AP3B1: variants seen among roughly 807,000 people sequenced by gnomAD.
The protein encoded by AP3B1 is adaptor related protein complex 3 subunit beta 1, also known as AP-3 complex subunit beta-1.
AP3B1 carries 61 observed loss-of-function variants against 132.5 expected under a neutral mutation model. The ratio of observed to expected loss-of-function variants is 0.46; its 90% CI spans 0.37 to 0.57. The LOEUF is 0.57. AP3B1 is among the 20% of genes least tolerant of loss of function. The probability of loss-of-function intolerance (pLI) is 0.00; values close to 1 mark genes in which losing one functional copy is unlikely to be tolerated. For missense variants in AP3B1, 1,120 were observed against 1,289.4 expected, an observed-to-expected ratio of 0.87 and a Z score of 2.01; for synonymous variants, 388 against 438.3, an observed-to-expected ratio of 0.89 and a Z score of 1.43.
At chr5:78,064,958 A>G (rs776901074) in intron 22 of AP3B1, among the ~76,000 whole-genome samples, 2 of 152,168 alleles carry the variant, frequency 1.3e-5, no homozygotes, top group Non-Finnish European at 2.9e-5. Context: ...GCTTTCACCA[A>G]GAAGAATGAA....
intron 15 of AP3B1, among the ~76,000 whole-genome samples, chr5:78,133,296 T>C (rs1441670232): frequency 6.6e-6 from 1 of 152,244 alleles, no homozygotes; most frequent in Non-Finnish European, 1.5e-5. Flanking sequence ...AGGAAGAAGT[T>C]AGTTATGTTA....
rs1253462843 is a variant in AP3B1 at position 78,039,777 on chromosome 5, C to CAA, written c.2578-505_2578-504dup. Among the ~76,000 whole-genome samples the CAA allele has an allele frequency of 9.3e-4, 66 of 71,122 alleles. 1 individual carries two copies. Among genetic ancestry groups the CAA allele is most frequent in the African/African-American group, 3.4e-3 (61 of 18,154 alleles). The allele number at this position is 71,122 out of a possible 152,430, so 46.7% of individuals were successfully genotyped here. ...TGGGCGACAGAGCGAGACTCCGTCT[C>CAA]AAAAAAAAAAAAAAAGAAAAGAAAA... On this transcript the variant is annotated intron_variant, in intron 22 of 26. Transcript: ENST00000255194.
At chr5:78,228,018 G>A (rs548668029) in intron 4 of AP3B1, 126 bp downstream of exon 4, 16 of 594,542 alleles carry the variant, frequency 2.7e-5, no homozygotes, top group African/African-American at 2.5e-4. Context: ...GGCACTATAG[G>A]AGGCTTTTAA....
At chr5:78,059,037 A>T (rs1748934348) in intron 22 of AP3B1, among the ~76,000 whole-genome samples, 1 of 152,262 alleles carries the variant, frequency 6.6e-6, no homozygotes, top group African/African-American at 2.4e-5. Flanking sequence ...ATGTAACATT[A>T]TGTGGCAAAA....
At chr5:78,079,333 G>C (rs566026675) in intron 22 of AP3B1, among the ~76,000 whole-genome samples, 1 of 151,968 alleles carries the variant, frequency 6.6e-6, no homozygotes, top group Non-Finnish European at 1.5e-5. Context: ...GAATTTTACA[G>C]AAATAAAACC....
chr5:78,045,244 G>A (rs1186417855), intron 22 of AP3B1, among the ~76,000 whole-genome samples: 1 of 151,970 alleles, frequency 6.6e-6, no homozygotes, highest in Non-Finnish European at 1.5e-5. Context: ...AGCTGGGCGT[G>A]GTGGCATGCA....
intron 15 of AP3B1, among the ~76,000 whole-genome samples, chr5:78,130,240 T>G (rs1040989028): frequency 3.9e-5 from 6 of 152,080 alleles, no homozygotes; most frequent in African/African-American, 1.4e-4. Context: ...GAATTCATAA[T>G]ATATGGGAAA....
intron 22 of AP3B1, among the ~76,000 whole-genome samples, chr5:78,086,129 T>A (rs1047434593): frequency 6.6e-6 from 1 of 151,920 alleles, no homozygotes; most frequent in African/African-American, 2.4e-5. Context: ...TTCTATTACT[T>A]TGAATCACCC....
intron 1 of AP3B1, among the ~76,000 whole-genome samples, chr5:78,282,062 C>T (rs544938473): frequency 1.1e-4 from 17 of 152,304 alleles, no homozygotes; most frequent in African/African-American, 2.9e-4. Context: ...CAAAGTTCTT[C>T]GGAGAAGTGA....
intron 6 of AP3B1, among the ~76,000 whole-genome samples, chr5:78,220,999 T>C (rs909937076): frequency 5.9e-5 from 9 of 152,098 alleles, no homozygotes; most frequent in African/African-American, 1.9e-4. Flanking sequence ...CAGTGAGCCA[T>C]GATCACACCA....
chr5:78,026,985 A>G (rs1337855043), intron 24 of AP3B1, among the ~76,000 whole-genome samples: 1 of 152,154 alleles, frequency 6.6e-6, no homozygotes, highest in Non-Finnish European at 1.5e-5. Flanking sequence ...ATTGATTGTG[A>G]GAGCTACACG....
intron 24 of AP3B1, among the ~76,000 whole-genome samples, chr5:78,031,750 T>C (rs1747585538): frequency 6.6e-6 from 1 of 152,236 alleles, no homozygotes; most frequent in South Asian, 2.1e-4. Flanking sequence ...TTCTCTGTTA[T>C]TGTTTATCTG....
At chr5:78,193,823 G>A (rs928443564) in intron 7 of AP3B1, among the ~76,000 whole-genome samples, 19 of 143,444 alleles carry the variant, frequency 1.3e-4, no homozygotes, top group Non-Finnish European at 2.6e-4. Context: ...GTGCAGTGGC[G>A]TGATCTCGCT....
chr5:78,095,359 C>A (rs1750726989), intron 21 of AP3B1, among the ~76,000 whole-genome samples: 1 of 152,216 alleles, frequency 6.6e-6, no homozygotes, highest in Non-Finnish European at 1.5e-5. Context: ...GTCTGGCCTT[C>A]TTTCAAGATT....
chr5:78,129,314 G>C lies in AP3B1; in HGVS notation c.1651-7C>G. On this transcript the variant is annotated splice_polypyrimidine_tract_variant and splice_region_variant and intron_variant, in intron 15 of 26. Coordinates refer to ENST00000255194, the MANE Select transcript of AP3B1 (RefSeq NM_003664.5). Reference sequence around the variant, plus strand: ...ACTGGGTAAGCAATTTTGTCTGTTGGAAAAAAACAGATCAAGATGAGAATA... The same window carrying C: ...ACTGGGTAAGCAATTTTGTCTGTTGCAAAAAAACAGATCAAGATGAGAATA... The C allele has an allele frequency of 6.3e-7, 1 of 1,596,438 alleles. No individual in the cohort carries two copies. Among genetic ancestry groups the C allele is most frequent in the Non-Finnish European group, 8.6e-7 (1 of 1,164,376 alleles).
intron 1 of AP3B1, among the ~76,000 whole-genome samples, chr5:78,292,055 T>C (rs1749547035): frequency 6.6e-6 from 1 of 152,126 alleles, no homozygotes; most frequent in African/African-American, 2.4e-5. Context: ...TTTTTTTTAA[T>C]TGGTAAATCT....
rs1203296788 is a variant in AP3B1, at chr5:78,287,587, AT to A, written c.128+6864del. Among the ~76,000 whole-genome samples the A allele has an allele frequency of 7.2e-5, 11 of 152,254 alleles. No homozygotes were observed. In the East Asian group the frequency reaches 2.1e-3, roughly 29 times the overall value. On this transcript the variant is annotated intron_variant, in intron 1 of 26. Coordinates refer to ENST00000255194, the MANE Select transcript of AP3B1 (RefSeq NM_003664.5). ...GGCCCTTTGTAAAACTTACGATCTT[AT>A]TTTTATGAAGACAAAAACAACTAGT...
chr5:78,079,289 A>G (rs1339433754), intron 22 of AP3B1, among the ~76,000 whole-genome samples: 2 of 152,206 alleles, frequency 1.3e-5, no homozygotes, highest in Non-Finnish European at 2.9e-5. Flanking sequence ...ATTCCTTGGA[A>G]CAGGAATCTT....
chr5:78,193,887 T>C (rs1031426095), intron 7 of AP3B1, among the ~76,000 whole-genome samples: 1 of 150,980 alleles, frequency 6.6e-6, no homozygotes, highest in Non-Finnish European at 1.5e-5. Flanking sequence ...CCCGAGTAGC[T>C]GGGACTACAG....
Sources: allele counts gnomAD v4.1 joint callset (sites outside exome capture counted in the v4.1 genomes callset), GRCh38; gene constraint gnomAD v4.1.1; transcripts MANE v1.5; gene names NCBI Gene and HGNC (gene_info 2026-07-23, HGNC 2026-07-21).